Variants in CNTN5 observed in about 807,000 individuals in gnomAD.
CNTN5 encodes the protein contactin-5.
A neutral mutation model predicts 129.1 loss-of-function variants in CNTN5; 77 were observed. The ratio of observed to expected loss-of-function variants is 0.60; its 90% confidence interval spans 0.50 to 0.72. The LOEUF is 0.72. Among genes scored for constraint, CNTN5 ranks in the 30% least tolerant of loss-of-function variants. The pLI is 0.00. For synonymous variants in CNTN5, 509 were observed against 465.6 expected, an observed-to-expected ratio of 1.09 and a Z score of -1.20; for missense variants, 1,478 against 1,328.8, an observed-to-expected ratio of 1.11 and a Z score of -1.75.
intron 2 of CNTN5, among the ~76,000 whole-genome samples, chr11:99,359,895 C>A (rs981463314): frequency 6.6e-6 from 1 of 151,920 alleles, no homozygotes; most frequent in Non-Finnish European, 1.5e-5. Flanking sequence ...ATGAAAAAAA[C>A]TTAAAGGCAG....
intron 21 of CNTN5, among the ~76,000 whole-genome samples, chr11:100,312,422 A>G (rs1243308667): frequency 6.6e-6 from 1 of 152,046 alleles, no homozygotes; most frequent in Non-Finnish European, 1.5e-5. Flanking sequence ...CACATCTGGA[A>G]CTTACTGCTC....
intron 3 of CNTN5, among the ~76,000 whole-genome samples, chr11:99,620,508 C>CTTTTCTTTTTTTTTTTT (rs1565356098): frequency 1.9e-5 from 2 of 107,030 alleles, no homozygotes; most frequent in Non-Finnish European, 4.1e-5. Flanking sequence ...TTTTTCTTTT[C>CTTTTCTTTTTTTTTTTT]TTTTTTTTTT....
chr11:100,013,388 G>A (rs768388644), intron 9 of CNTN5, among the ~76,000 whole-genome samples: 4 of 152,036 alleles, frequency 2.6e-5, no homozygotes, highest in Non-Finnish European at 5.9e-5. Context: ...TAACTTTATT[G>A]TATCCCATAC....
intron 2 of CNTN5, among the ~76,000 whole-genome samples, chr11:99,408,408 A>G (rs1565557686): frequency 7.7e-6 from 1 of 129,886 alleles, no homozygotes; most frequent in African/African-American, 2.9e-5. Context: ...AAGAAGAGAG[A>G]GAAAGAAAGG....
At chr11:99,303,521 T>A (rs182478309) in intron 1 of CNTN5, among the ~76,000 whole-genome samples, 101 of 149,878 alleles carry the variant, frequency 6.7e-4, no homozygotes, top group African/African-American at 2.4e-3. Flanking sequence ...AGATAGGAAA[T>A]GGCACACGAG....
chr11:100,293,091 A>G (rs1416431351), intron 18 of CNTN5, among the ~76,000 whole-genome samples: 1 of 151,846 alleles, frequency 6.6e-6, no homozygotes, highest in Non-Finnish European at 1.5e-5. Context: ...TAGGCTTTGT[A>G]TATATTTCTT....
At chr11:99,461,572 C>T (rs1243485906) in intron 2 of CNTN5, among the ~76,000 whole-genome samples, 1 of 152,016 alleles carries the variant, frequency 6.6e-6, no homozygotes, top group Non-Finnish European at 1.5e-5. Flanking sequence ...TAGAAATAAA[C>T]ATTTACTAAG....
intron 3 of CNTN5, among the ~76,000 whole-genome samples, chr11:99,721,232 A>G (rs1290544574): frequency 6.6e-6 from 1 of 152,166 alleles, no homozygotes; most frequent in African/African-American, 2.4e-5. Context: ...ATTCTACTTC[A>G]AAATAGACTA....
chr11:99,205,838 AAAAAG>A (rs1209034103), intron 1 of CNTN5, among the ~76,000 whole-genome samples: 2 of 152,142 alleles, frequency 1.3e-5, no homozygotes, highest in Admixed American at 1.3e-4. Flanking sequence ...GAAAAAAAAT[AAAAAG>A]AAAAGGCTCA....
intron 2 of CNTN5, among the ~76,000 whole-genome samples, chr11:99,506,937 T>G (rs891920248): frequency 3.3e-5 from 5 of 152,052 alleles, no homozygotes; most frequent in African/African-American, 9.7e-5. Context: ...TAAAAAAATA[T>G]AAAAAGTTGA....
At chr11:99,115,432 T>G (rs1344552268) in intron 1 of CNTN5, among the ~76,000 whole-genome samples, 4 of 152,100 alleles carry the variant, frequency 2.6e-5, no homozygotes, top group Non-Finnish European at 5.9e-5. Context: ...TAGAAATCAG[T>G]GTTGACATCA....
At chr11:99,404,424 T>C (rs7480793) in intron 2 of CNTN5, among the ~76,000 whole-genome samples, 112,944 of 151,526 alleles carry the variant, frequency 0.75, 42,975 homozygotes, top group African/African-American at 0.9. Context: ...GTCTTCTCTT[T>C]TTTTGTTCTT....
chr11:100,316,643 T>C (rs116499063), intron 21 of CNTN5, among the ~76,000 whole-genome samples: 1,554 of 152,266 alleles, frequency 0.01, 24 homozygotes, highest in African/African-American at 0.035. Context: ...CTGAATAAAA[T>C]AAAAATGAAA....
intron 1 of CNTN5, among the ~76,000 whole-genome samples, chr11:99,029,218 A>G (rs1019002152): frequency 6.7e-6 from 1 of 149,562 alleles, no homozygotes; most frequent in Non-Finnish European, 1.5e-5. Flanking sequence ...CTACCCAAAT[A>G]TTCTATTTTT....
intron 1 of CNTN5, among the ~76,000 whole-genome samples, chr11:99,104,944 C>G (rs1866925653): frequency 6.6e-6 from 1 of 152,028 alleles, no homozygotes; most frequent in South Asian, 2.1e-4. Context: ...ACTAAATGTT[C>G]CCTGTTGGTG....
chr11:99,292,097 C>G (rs1864193058), intron 1 of CNTN5, among the ~76,000 whole-genome samples: 1 of 151,876 alleles, frequency 6.6e-6, no homozygotes. Flanking sequence ...TTGGTAGAAA[C>G]AGTACTAATG....
At chr11:99,547,941 C>A (rs1266013964) in intron 2 of CNTN5, among the ~76,000 whole-genome samples, 2 of 152,162 alleles carry the variant, frequency 1.3e-5, no homozygotes, top group Non-Finnish European at 2.9e-5. Flanking sequence ...CCTTTCTGTG[C>A]CCCAGCTTCG....
intron 3 of CNTN5, among the ~76,000 whole-genome samples, chr11:99,711,430 T>C (rs1452820078): frequency 1.3e-5 from 2 of 151,902 alleles, no homozygotes; most frequent in East Asian, 1.9e-4. Context: ...TTTTATAAAG[T>C]ATTTTTCTTC....
chr11:99,523,087 A>G (rs1947329468), intron 2 of CNTN5, among the ~76,000 whole-genome samples: 3 of 152,160 alleles, frequency 2.0e-5, no homozygotes, highest in Non-Finnish European at 4.4e-5. Context: ...ACATTCTATC[A>G]AGCTATCATA....
Sources: allele counts gnomAD v4.1 joint callset (sites outside exome capture counted in the v4.1 genomes callset), GRCh38; gene constraint gnomAD v4.1.1; transcripts MANE v1.5; gene names NCBI Gene and HGNC (gene_info 2026-07-23, HGNC 2026-07-21).